Variants in DOP1A observed in about 807,000 individuals in gnomAD.
DOP1A encodes DOP1 leucine zipper like protein A.
Under a neutral mutation model 267.6 loss-of-function variants are expected in DOP1A, and 90 were observed. The observed-to-expected ratio is 0.34, with a 90% CI of 0.28 to 0.40. DOP1A has a LOEUF of 0.40. DOP1A is among the 10% of genes least tolerant of loss of function. The pLI, the probability that DOP1A is intolerant of heterozygous loss-of-function variation, is 1.00. For synonymous variants in DOP1A, 932 were observed against 999.1 expected, an observed-to-expected ratio of 0.93 and a Z score of 1.27; for missense variants, 2,437 against 2,900.4, an observed-to-expected ratio of 0.84 and a Z score of 3.67.
chr6:83,141,103 T>C (rs1779585605), intron 23 of DOP1A, among the ~76,000 whole-genome samples: 1 of 152,184 alleles, frequency 6.6e-6, no homozygotes. Context: ...AATTAGGGAA[T>C]GTTTAAATTA....
rs931482263 is a variant in DOP1A at position 83,167,678 on chromosome 6, A to G, written c.7093-184A>G. 2.2e-6 allele frequency: 3 copies of G among 1,375,784 alleles called. No individual in the cohort carries two copies. In the African/African-American group the frequency reaches 4.4e-5, roughly 20 times the overall value. The allele number at this position is 1,375,784 out of a possible 1,614,324, so 85.2% of individuals were successfully genotyped here. A position where few individuals can be genotyped will look rare whatever the true frequency, so the allele number is the denominator to read the frequency against. On this transcript the variant is annotated intron_variant, in intron 38 of 38. Coordinates refer to ENST00000349129, the MANE Select transcript of DOP1A (RefSeq NM_015018.4). ...CTACAATGTTAGACTGCTCCATGTA[A>G]AACTAATAAATGGCAGTAAAAGGTC...
At position 83,166,744 on chromosome 6, in the gene DOP1A, A is replaced by G. The variant is rs76256305; in HGVS notation, c.7093-1118A>G. The G allele has an allele frequency of 1.6e-3, 1,867 of 1,133,196 alleles. 22 individuals are homozygous for G. In the African/African-American group the frequency reaches 0.026, roughly 16 times the overall value. 70.2% of individuals were successfully genotyped at this position (1,133,196 alleles called of 1,614,324 possible). A position where few individuals can be genotyped will look rare whatever the true frequency, so the allele number is the denominator to read the frequency against. ...AGCAATAAGCTTGAGAGCACATAGAAGAAAATAAGCTGGATTTTGCATCTG... is the reference window on the plus strand; with the variant it reads ...AGCAATAAGCTTGAGAGCACATAGAGGAAAATAAGCTGGATTTTGCATCTG... On this transcript the variant is annotated intron_variant, in intron 38 of 38. Transcript: ENST00000349129.
intron 31 of DOP1A, 76 bp from the exon 32 acceptor site, chr6:83,153,818 G>A (rs539698600): frequency 1.2e-5 from 18 of 1,455,396 alleles, no homozygotes; most frequent in Non-Finnish European, 1.6e-5. Context: ...TTAGGTAAAT[G>A]TGAACATTTA....
intron 1 of DOP1A, among the ~76,000 whole-genome samples, chr6:83,091,759 A>G (rs1770458226): frequency 2.0e-5 from 3 of 152,222 alleles, no homozygotes; most frequent in Admixed American, 1.3e-4. Context: ...TGTCTTCAAA[A>G]TGAATGCTAT....
Position 83,145,630 on chromosome 6 carries a change from A to G in DOP1A, c.5648A>G (p.Lys1883Arg), listed in dbSNP as rs1429874116. 1.2e-6 allele frequency: 2 copies of G among 1,613,598 alleles called. No individual in the cohort carries two copies. The highest frequency in any genetic ancestry group is 2.2e-5 in the East Asian group (1 of 44,804). The change falls in exon 25 of 39, where the codon AAG (lysine) becomes AGG (arginine). Residue 1883 changes from lysine to arginine, a missense_variant. Physicochemically the swap from Lys to Arg is conservative, Grantham distance 26. Coordinates refer to ENST00000349129, the MANE Select transcript of DOP1A (RefSeq NM_015018.4). ...TVIQTVKEVL[K>R]QPPAIAKDKK... is the part of the protein sequence containing the mutation. Reference sequence around the variant, plus strand: ...ATCCAGACTGTAAAAGAAGTTTTAAAGCAGCCACCAGCCATAGCCAAGGAC... The same window carrying G: ...ATCCAGACTGTAAAAGAAGTTTTAAGGCAGCCACCAGCCATAGCCAAGGAC...
Position 83,148,685 on chromosome 6 carries a change from T to A in DOP1A, c.5733-74T>A, listed in dbSNP as rs1338336855. 4 of 1,006,224 alleles carry A rather than the reference T, an allele frequency of 4.0e-6. No individual in the cohort carries two copies. In the African/African-American group the frequency reaches 6.9e-5, roughly 17 times the overall value. 62.3% of individuals were successfully genotyped at this position (1,006,224 alleles called of 1,614,324 possible). ...TTGTTCTATCATTGTCTATAAAAAT[T>A]TAGAGAATGTTCCACAAACTAGTAG... On this transcript the variant is annotated intron_variant, in intron 26 of 38. Transcript: ENST00000349129.
At chr6:83,097,187 C>A in intron 3 of DOP1A, 72 bp downstream of exon 3, 2 of 1,492,094 alleles carry the variant, frequency 1.3e-6, no homozygotes, top group Admixed American at 2.1e-5. Context: ...TTAGATTTCT[C>A]GAAATCTTGA....
At chr6:83,087,428 A>C (rs745328153) in intron 1 of DOP1A, among the ~76,000 whole-genome samples, 4 of 152,208 alleles carry the variant, frequency 2.6e-5, no homozygotes, top group Non-Finnish European at 5.9e-5. Context: ...AACAAAAAAA[A>C]ACATGTAGTT....
At chr6:83,102,869 C>T (rs1234167337) in intron 4 of DOP1A, among the ~76,000 whole-genome samples, 1 of 152,152 alleles carries the variant, frequency 6.6e-6, no homozygotes, top group Non-Finnish European at 1.5e-5. Context: ...TAAAACTAAA[C>T]TATTATTCTT....
At chr6:83,162,573 T>C (rs1784478757) in intron 37 of DOP1A, among the ~76,000 whole-genome samples, 1 of 152,206 alleles carries the variant, frequency 6.6e-6, no homozygotes, top group Non-Finnish European at 1.5e-5. Flanking sequence ...ATTTATTCCT[T>C]ACAACCTTAT....
intron 1 of DOP1A, among the ~76,000 whole-genome samples, chr6:83,095,487 T>A (rs1771309432): frequency 6.6e-6 from 1 of 152,176 alleles, no homozygotes; most frequent in East Asian, 1.9e-4. Context: ...GGCCCACTCT[T>A]AGACCTTCCT....
At chr6:83,139,222 T>C in intron 21 of DOP1A, 60 bp downstream of exon 21, 1 of 1,317,288 alleles carries the variant, frequency 7.6e-7, no homozygotes, top group Non-Finnish European at 1.1e-6. Context: ...GACTGCTTAA[T>C]GTCTGGAAAG....
chr6:83,120,844 T>C, intron 10 of DOP1A, 53 bp downstream of exon 10: 2 of 1,300,934 alleles, frequency 1.5e-6, no homozygotes, highest in Non-Finnish European at 1.0e-6. Flanking sequence ...TTTGTGTTAA[T>C]AAGAAAATAA....
In DOP1A at chr6:83,125,750, T is replaced by C. The variant is rs766214909; in HGVS notation, c.1719+17T>C. Reference sequence around the variant, plus strand: ...GACAAAAAGGTAATTTTAACTATTATTTTTGGTATTAGACTGTTCATATTT... The same window carrying C: ...GACAAAAAGGTAATTTTAACTATTACTTTTGGTATTAGACTGTTCATATTT... On this transcript the variant is annotated intron_variant, in intron 15 of 38. Transcript: ENST00000349129. 7 of 1,591,792 alleles carry C rather than the reference T, an allele frequency of 4.4e-6. No individual in the cohort carries two copies. In the Admixed American group the frequency reaches 6.8e-5, roughly 15 times the overall value.
chr6:83,112,579 C>G (rs771949034), intron 6 of DOP1A, among the ~76,000 whole-genome samples: 33 of 152,156 alleles, frequency 2.2e-4, no homozygotes, highest in Non-Finnish European at 4.3e-4. Flanking sequence ...ACTCCCTTGC[C>G]TCAGCCACCT....
At chr6:83,149,445 G>C (rs1011552285) in intron 27 of DOP1A, among the ~76,000 whole-genome samples, 1 of 152,150 alleles carries the variant, frequency 6.6e-6, no homozygotes, top group African/African-American at 2.4e-5. Context: ...AAGCCTTTGT[G>C]AAACAGGAAG....
rs1201746951 is a variant in DOP1A, at chr6:83,097,205, A to T, written c.138+90A>T. Reference sequence around the variant, plus strand: ...GATTTCTCGAAATCTTGAAGTAAGAATGCAAAAACATAAATGAACCTTAGA... The same window carrying T: ...GATTTCTCGAAATCTTGAAGTAAGATTGCAAAAACATAAATGAACCTTAGA... On this transcript the variant is annotated intron_variant, in intron 3 of 38. Coordinates refer to ENST00000349129, the MANE Select transcript of DOP1A (RefSeq NM_015018.4). 2.9e-6 allele frequency: 4 copies of T among 1,393,676 alleles called. No individual in the cohort carries two copies. The African/African-American group carries it at 5.8e-5, about 20-fold the overall frequency. The allele number at this position is 1,393,676 out of a possible 1,614,324, so 86.3% of individuals were successfully genotyped here. A position where few individuals can be genotyped will look rare whatever the true frequency, so the allele number is the denominator to read the frequency against.
Position 83,100,838 on chromosome 6 carries a change from T to C in DOP1A, c.272T>C (p.Phe91Ser). ...RKALETYEII[F>S]KIIGPKRLAK... ...GCGCTTGAAACATATGAAATTATCT[T>C]CAAAATAATTGGACCTAAGCGACTT... The change falls in exon 4 of 39, where the codon TTC becomes TCC. Residue 91 changes from phenylalanine (F) to serine (S), a missense_variant. Around this residue, in one of 9 missense-constraint regions of DOP1A, gnomAD observed 251 missense variants for 359.1 expected, o/e 0.70. Transcript: ENST00000349129. The C allele has an allele frequency of 6.3e-7, 1 of 1,582,786 alleles. No individual in the cohort carries two copies. Among genetic ancestry groups the C allele is most frequent in the Non-Finnish European group, 8.6e-7 (1 of 1,162,768 alleles).
At chr6:83,144,090 A>G (rs1780083202) in intron 24 of DOP1A, among the ~76,000 whole-genome samples, 1 of 152,210 alleles carries the variant, frequency 6.6e-6, no homozygotes, top group African/African-American at 2.4e-5. Context: ...ATTTTCAGCT[A>G]TGCAATGTCT....
Sources: allele counts gnomAD v4.1 joint callset (sites outside exome capture counted in the v4.1 genomes callset), GRCh38; gene constraint gnomAD v4.1.1; regional missense constraint gnomAD v4.1.1; transcripts MANE v1.5; gene names NCBI Gene and HGNC (gene_info 2026-07-23, HGNC 2026-07-21).